RPL17: variants seen among roughly 807,000 people sequenced by gnomAD.
RPL17 encodes the protein ribosomal protein L17.
Under a neutral mutation model 27.7 loss-of-function variants are expected in RPL17, and 2 were observed. The ratio of observed to expected loss-of-function variants is 0.07; its 90% CI spans 0.03 to 0.23. The LOEUF (loss-of-function observed/expected upper bound fraction) is 0.23. RPL17 is among the 10% of genes least tolerant of loss of function. The pLI is 1.00. For missense variants in RPL17, 141 were observed against 238.8 expected, an observed-to-expected ratio of 0.59 and a Z score of 2.70; for synonymous variants, 76 against 75.5, an observed-to-expected ratio of 1.01 and a Z score of -0.03.
chr18:49,491,026 T>A (rs1179240943), intron 3 of RPL17, 99 bp from the exon 4 acceptor site: 122 of 1,567,822 alleles, frequency 7.8e-5, no homozygotes, highest in Non-Finnish European at 9.8e-5. Context: ...AATGTCGAGT[T>A]ATTTCTATTC....
rs1178098969 is a variant in RPL17 at position 49,491,066 on chromosome 18, T to C, written c.82-139A>G. 7 of 1,379,542 alleles carry C rather than the reference T, an allele frequency of 5.1e-6. No individual in the cohort carries two copies. In the East Asian group the frequency reaches 1.1e-4, roughly 23 times the overall value. 85.5% of individuals were successfully genotyped at this position (1,379,542 alleles called of 1,614,324 possible). ...GGGGCAAGGCAATTAAAAAAACTTG[T>C]GACTAAAAGCCAGGTAAACTTCGTT... is the stretch of plus-strand genomic sequence containing the variant. On this transcript the variant is annotated intron_variant, in intron 3 of 6. Transcript: ENST00000580261.
rs1362637179 is a variant in RPL17 at position 49,489,656 on chromosome 18, G to T, written c.316-106C>A. On this transcript the variant is annotated intron_variant, in intron 5 of 6. Coordinates refer to ENST00000580261, the MANE Select transcript of RPL17 (RefSeq NM_001035006.5). ...ATTCCCAGGCTTGCTCCAGAGTCCT[G>T]CCTCAATGAAATCATTTTTAAAAGG... The T allele has an allele frequency of 1.4e-5, 17 of 1,185,966 alleles. No individual in the cohort carries two copies. In the East Asian group the frequency reaches 3.5e-4, roughly 24 times the overall value. 73.5% of individuals were successfully genotyped at this position (1,185,966 alleles called of 1,614,324 possible). A position where few individuals can be genotyped will look rare whatever the true frequency, so the allele number is the denominator to read the frequency against.
chr18:49,489,267 C>G (rs758388518), intron 6 of RPL17, 92 bp downstream of exon 6: 55 of 1,403,390 alleles, frequency 3.9e-5, no homozygotes, highest in African/African-American at 5.7e-5. Flanking sequence ...AGTTTTCTTT[C>G]ATAGTTATTC....
chr18:49,490,446 T>C lies in RPL17; in HGVS notation c.315+8A>G. 6.2e-7 allele frequency: 1 copy of C among 1,613,898 alleles called. No individual in the cohort carries two copies. The highest frequency in any genetic ancestry group is 8.5e-7 in the Non-Finnish European group (1 of 1,179,824). Reference sequence around the variant, plus strand: ...CCAAGTTGCACAGGATGTTAGTGGTTTGGGTACCTTAAGTTCAGCATTACT... The same window carrying C: ...CCAAGTTGCACAGGATGTTAGTGGTCTGGGTACCTTAAGTTCAGCATTACT... On this transcript the variant is annotated splice_region_variant and intron_variant, in intron 5 of 6. Transcript: ENST00000580261.
rs1351305759 is a variant in RPL17, at chr18:49,490,364, G to T, written c.315+90C>A. On this transcript the variant is annotated intron_variant, in intron 5 of 6. Coordinates refer to ENST00000580261, the MANE Select transcript of RPL17 (RefSeq NM_001035006.5). Reference sequence around the variant, plus strand: ...TAAAAAATCCTAAGAGTTAATTACTGAAAACAAGAAAATCAAGGACATAAA... The same window carrying T: ...TAAAAAATCCTAAGAGTTAATTACTTAAAACAAGAAAATCAAGGACATAAA... 8 of 1,390,224 alleles carry T rather than the reference G, an allele frequency of 5.8e-6. No individual in the cohort carries two copies. The African/African-American group carries it at 7.2e-5, about 13-fold the overall frequency. The allele number at this position is 1,390,224 out of a possible 1,614,324, so 86.1% of individuals were successfully genotyped here.
At position 49,488,568 on chromosome 18, in the gene RPL17, TG is replaced by T; in HGVS notation, c.508-3del. ...TTTCTTCAGTTTCTTCTGGGATATC[TG>T]GGGAAAGAAAAATGTGTTAAGTTTC... On this transcript the variant is annotated splice_polypyrimidine_tract_variant and splice_region_variant and intron_variant, in intron 6 of 6. Transcript: ENST00000580261. 6.5e-7 allele frequency: 1 copy of T among 1,536,420 alleles called. No individual in the cohort carries two copies. Among genetic ancestry groups the T allele is most frequent in the Non-Finnish European group, 8.9e-7 (1 of 1,124,696 alleles).
chr18:49,489,373 C>A lies in RPL17; in HGVS notation c.493G>T (p.Ala165Ser). Residue 165 changes from alanine to serine, a missense_variant, in exon 6 of 7, where the codon GCC becomes TCC. This residue lies in a region of RPL17 where 34 missense variants were observed against 88.8 expected (regional missense o/e 0.38). Transcript: ENST00000580261. The part of the protein sequence containing the change: ...QIVPKPEEEV[A>S]QKKKISQKKL... ...TACTTATTTACCTTTTTCTTCTGGG[C>A]AACCTCCTCTTCTGGTTTAGGAACA... 6.2e-7 allele frequency: 1 copy of A among 1,613,694 alleles called. No individual in the cohort carries two copies. Among genetic ancestry groups the A allele is most frequent in the Non-Finnish European group, 8.5e-7 (1 of 1,179,874 alleles).
intron 5 of RPL17, 54 bp downstream of exon 5, chr18:49,490,400 C>G: frequency 6.3e-7 from 1 of 1,578,566 alleles, no homozygotes; most frequent in South Asian, 1.1e-5. Flanking sequence ...TCTGAACAGC[C>G]AACATTAATT....
intron 3 of RPL17, chr18:49,491,139 T>C: frequency 5.5e-6 from 5 of 908,740 alleles, no homozygotes; most frequent in Non-Finnish European, 8.5e-6. Flanking sequence ...ATAAAACGTT[T>C]AAATTCCATC....
At chr18:49,492,402 A>C (rs1157678451) in intron 1 of RPL17, 56 bp downstream of exon 1, 1 of 152,466 alleles carries the variant, frequency 6.6e-6, no homozygotes, top group Non-Finnish European at 1.5e-5. Context: ...CGAAGCCAGG[A>C]TGGCGGCGAT....
chr18:49,488,854 C>T (rs949993383), intron 6 of RPL17, among the ~76,000 whole-genome samples: 4 of 151,510 alleles, frequency 2.6e-5, no homozygotes, highest in Non-Finnish European at 4.4e-5. Flanking sequence ...TAAGTGGGGC[C>T]ATCAGCAGAT....
At chr18:49,491,798 G>C (rs2084111176) in intron 1 of RPL17, 3 of 760,810 alleles carry the variant, frequency 3.9e-6, no homozygotes, top group South Asian at 2.7e-5. Flanking sequence ...TGCTTCCACA[G>C]AAGTAGCCAC....
chr18:49,491,664 G>A (rs1161010051), intron 1 of RPL17, 80 bp from the exon 2 acceptor site: 2 of 1,493,696 alleles, frequency 1.3e-6, no homozygotes, highest in Middle Eastern at 1.7e-4. Flanking sequence ...GATTCGAACA[G>A]CTGCTCAGAG....
chr18:49,491,787 C>G (rs2084110173), intron 1 of RPL17: 1 of 776,312 alleles, frequency 1.3e-6, no homozygotes, highest in Non-Finnish European at 2.3e-6. Context: ...AACTACAGCA[C>G]TGCTTCCACA....
intron 5 of RPL17, among the ~76,000 whole-genome samples, chr18:49,490,000 T>C (rs377062129): frequency 6.6e-6 from 1 of 152,254 alleles, no homozygotes; most frequent in African/African-American, 2.4e-5. Context: ...CAACACAAGT[T>C]TGTCATTGTT....
At chr18:49,490,064 A>G (rs1217192600) in intron 5 of RPL17, among the ~76,000 whole-genome samples, 1 of 152,272 alleles carries the variant, frequency 6.6e-6, no homozygotes, top group African/African-American at 2.4e-5. Flanking sequence ...ATGACTCTCC[A>G]TTATGAAGGT....
At chr18:49,491,718 C>T in intron 1 of RPL17, 134 bp from the exon 2 acceptor site, 1 of 1,158,766 alleles carries the variant, frequency 8.6e-7, no homozygotes, top group Non-Finnish European at 1.3e-6. Flanking sequence ...CTAAGAAATG[C>T]CATCATCGCA....
At chr18:49,491,678 A>T (rs1197810242) in intron 1 of RPL17, 94 bp from the exon 2 acceptor site, 2 of 1,461,400 alleles carry the variant, frequency 1.4e-6, no homozygotes, top group Non-Finnish European at 9.6e-7. Context: ...CTCAGAGAGT[A>T]GTTGTTTTCA....
intron 3 of RPL17, 115 bp downstream of exon 3, chr18:49,491,290 A>G: frequency 6.6e-7 from 1 of 1,515,580 alleles, no homozygotes; most frequent in Non-Finnish European, 9.2e-7. Context: ...GTGGCTGCTC[A>G]GAATTTATTA....
Sources: gnomAD v4.1 joint callset for allele counts (sites outside exome capture counted in the v4.1 genomes callset) on GRCh38, gnomAD v4.1.1 for gene constraint, gnomAD v4.1.1 regional missense constraint, MANE v1.5 for transcripts, NCBI Gene and HGNC (gene_info 2026-07-23, HGNC 2026-07-21) for gene names.